OR2L13: variants seen among roughly 807,000 people sequenced by gnomAD.
OR2L13 encodes olfactory receptor family 2 subfamily L member 13.
In OR2L13, 14 loss-of-function variants were observed where a neutral mutation model predicts 15.3. The ratio of observed to expected loss-of-function variants is 0.91; its 90% CI spans 0.60 to 1.43. The LOEUF is 1.43. Ranked by LOEUF, OR2L13 falls within the 40% of genes most tolerant of loss-of-function variation. The probability of loss-of-function intolerance (pLI) is 0.00; values close to 1 mark genes in which losing one functional copy is unlikely to be tolerated. For missense variants in OR2L13, 367 were observed against 387.9 expected, an observed-to-expected ratio of 0.95 and a Z score of 0.45; for synonymous variants, 152 against 142.9, an observed-to-expected ratio of 1.06 and a Z score of -0.45.
At chr1:248,029,549 G>A in the OR2L13 span, among the ~76,000 whole-genome samples, 1 of 152,024 alleles carries the variant, frequency 6.6e-6, no homozygotes, top group African/African-American at 2.4e-5. Context: ...AATTTACTGA[G>A]CATTTCCAAA....
chr1:248,007,186 C>G, the OR2L13 span, among the ~76,000 whole-genome samples: 1 of 152,172 alleles, frequency 6.6e-6, no homozygotes, highest in Non-Finnish European at 1.5e-5. Context: ...GACTGAAAAA[C>G]AATATGGATG....
At chr1:248,062,159 T>C in the OR2L13 span, 1 of 153,166 alleles carries the variant, frequency 6.5e-6, no homozygotes, top group Non-Finnish European at 1.5e-5. Context: ...TCAGGGATTC[T>C]TAAGTCCTGA....
the OR2L13 span, among the ~76,000 whole-genome samples, chr1:248,069,855 A>C: frequency 2.0e-5 from 3 of 152,192 alleles, no homozygotes; most frequent in African/African-American, 7.2e-5. Context: ...CTTTAAACCA[A>C]CAAAGATCAA....
chr1:248,020,993 C>T, the OR2L13 span, among the ~76,000 whole-genome samples: 1 of 151,732 alleles, frequency 6.6e-6, no homozygotes, highest in African/African-American at 2.4e-5. Flanking sequence ...CAGGCTGCTG[C>T]AGCTTTAGAA....
the OR2L13 span, among the ~76,000 whole-genome samples, chr1:248,078,155 T>C: frequency 6.6e-6 from 1 of 152,238 alleles, no homozygotes; most frequent in East Asian, 1.9e-4. Context: ...TGCAATGCAA[T>C]TGGGTATTTC....
chr1:248,068,086 G>C, the OR2L13 span, among the ~76,000 whole-genome samples: 18 of 152,216 alleles, frequency 1.2e-4, no homozygotes, highest in East Asian at 5.8e-4. Context: ...CAAACAAAAA[G>C]ACAGCAGTAA....
At chr1:248,004,174 T>A in the OR2L13 span, 1 of 897,598 alleles carries the variant, frequency 1.1e-6, no homozygotes, top group Non-Finnish European at 1.6e-6. Flanking sequence ...CAAAAAGTAA[T>A]CAACAGAAGA....
the OR2L13 span, among the ~76,000 whole-genome samples, chr1:248,055,649 C>T: frequency 6.6e-6 from 1 of 152,206 alleles, no homozygotes; most frequent in South Asian, 2.1e-4. Context: ...TCCAGCTACT[C>T]TGGAGGCTGA....
At chr1:248,099,617 C>T (rs948032044) in exon 3 of OR2L13, 1 of 1,613,970 alleles carries the variant, frequency 6.2e-7, no homozygotes, top group African/African-American at 1.3e-5. Flanking sequence ...CCCAAGATGG[C>T]GTACAACTTC....
chr1:248,048,328 C>T, the OR2L13 span, among the ~76,000 whole-genome samples: 1 of 152,198 alleles, frequency 6.6e-6, no homozygotes, highest in African/African-American at 2.4e-5. Flanking sequence ...TACAAATACA[C>T]ATTGTGTAAA....
chr1:247,985,193 C>T, the OR2L13 span, among the ~76,000 whole-genome samples: 1 of 151,964 alleles, frequency 6.6e-6, no homozygotes, highest in African/African-American at 2.4e-5. Flanking sequence ...TGTTGGTGTG[C>T]TGCACCCATC....
At chr1:247,962,601 T>C in the OR2L13 span, among the ~76,000 whole-genome samples, 121,460 of 152,164 alleles carry the variant, frequency 0.8, 52,672 homozygotes, top group South Asian at 0.95. Context: ...GTAAACTTTT[T>C]TGAAAATCTA....
At chr1:248,055,222 T>C in the OR2L13 span, among the ~76,000 whole-genome samples, 1 of 152,202 alleles carries the variant, frequency 6.6e-6, no homozygotes, top group African/African-American at 2.4e-5. Flanking sequence ...TTTAGTTCTG[T>C]TTATGTGATG....
At chr1:247,959,973 T>C in the OR2L13 span, among the ~76,000 whole-genome samples, 2 of 152,188 alleles carry the variant, frequency 1.3e-5, no homozygotes, top group African/African-American at 4.8e-5. Context: ...CTTTGTTCCA[T>C]TGCTGGTGAG....
At chr1:247,951,102 C>G in the OR2L13 span, among the ~76,000 whole-genome samples, 1 of 152,056 alleles carries the variant, frequency 6.6e-6, no homozygotes, top group Non-Finnish European at 1.5e-5. Context: ...GCTAGAGATA[C>G]GTGGATTTAT....
At chr1:247,963,005 G>T in the OR2L13 span, among the ~76,000 whole-genome samples, 2 of 152,104 alleles carry the variant, frequency 1.3e-5, no homozygotes, top group Admixed American at 6.6e-5. Context: ...AGGGCAAACC[G>T]CAAAATTGAG....
chr1:247,986,527 G>C, the OR2L13 span, among the ~76,000 whole-genome samples: 2 of 152,174 alleles, frequency 1.3e-5, no homozygotes, highest in African/African-American at 4.8e-5. Flanking sequence ...TTGTAGTATA[G>C]TTTGAAGTCA....
chr1:247,982,682 A>C, the OR2L13 span, among the ~76,000 whole-genome samples: 1 of 152,054 alleles, frequency 6.6e-6, no homozygotes, highest in East Asian at 1.9e-4. Context: ...TTTCTTTTAG[A>C]GTTTCTGAGA....
the OR2L13 span, among the ~76,000 whole-genome samples, chr1:248,050,158 G>C: frequency 6.6e-6 from 1 of 151,926 alleles, no homozygotes; most frequent in Admixed American, 6.6e-5. Flanking sequence ...TTTCAGGTTT[G>C]TGGGTCCTAC....
Sources: allele counts gnomAD v4.1 joint callset (sites outside exome capture counted in the v4.1 genomes callset), GRCh38; gene constraint gnomAD v4.1.1; transcripts MANE v1.5; gene names NCBI Gene and HGNC (gene_info 2026-07-23, HGNC 2026-07-21).